DPP6: variants seen among roughly 807,000 people sequenced by gnomAD.
The protein encoded by DPP6 is A-type potassium channel modulatory protein DPP6.
A neutral mutation model predicts 122.6 loss-of-function variants in DPP6; 69 were observed. The ratio of observed to expected loss-of-function variants is 0.56; its 90% CI spans 0.46 to 0.69. The LOEUF (loss-of-function observed/expected upper bound fraction) is 0.69. DPP6 is among the 30% of genes least tolerant of loss of function. DPP6 has a pLI of 0.00. For synonymous variants in DPP6, 418 were observed against 433.1 expected (o/e 0.97, Z 0.43); for missense variants, 928 against 1,116.9 (o/e 0.83, Z 2.41).
chr7:154,536,396 A>G (rs937891937), intron 3 of DPP6, among the ~76,000 whole-genome samples: 5 of 152,202 alleles, frequency 3.3e-5, no homozygotes, highest in Non-Finnish European at 7.3e-5. Context: ...ATGGAAAAAT[A>G]TAAAAACTCA....
rs184976823 is a variant in DPP6 at position 154,258,470 on chromosome 7, G to A, written c.244-187744G>A. Among the ~76,000 whole-genome samples, 287 of 152,238 alleles carry A rather than the reference G, an allele frequency of 1.9e-3. 2 individuals are homozygous for A. Among genetic ancestry groups the A allele is most frequent in the Middle Eastern group, 0.017 (5 of 294 alleles). Reference sequence around the variant, plus strand: ...ATCCCGTGGAAGGAGAGCAGACCAGGGAGGCTGACGTTGTTATAGGAGTGT... The same window carrying A: ...ATCCCGTGGAAGGAGAGCAGACCAGAGAGGCTGACGTTGTTATAGGAGTGT... On this transcript the variant is annotated intron_variant, in intron 1 of 25. Coordinates refer to ENST00000377770, the MANE Select transcript of DPP6 (RefSeq NM_130797.4).
chr7:154,159,175 C>T (rs537218154), intron 1 of DPP6, among the ~76,000 whole-genome samples: 384 of 152,272 alleles, frequency 2.5e-3, no homozygotes, highest in African/African-American at 8.5e-3. Context: ...TCCCCGCACC[C>T]GGGCCCTCCC....
At chr7:153,748,239 C>T in the DPP6 span, among the ~76,000 whole-genome samples, 3,384 of 152,004 alleles carry the variant, frequency 0.022, 53 homozygotes, top group South Asian at 0.042. Flanking sequence ...TTCGCCTGTG[C>T]AGTGGTTCCT....
intron 1 of DPP6, among the ~76,000 whole-genome samples, chr7:154,313,249 G>A (rs1201297523): frequency 6.6e-6 from 1 of 152,192 alleles, no homozygotes; most frequent in Non-Finnish European, 1.5e-5. Context: ...TCAGGAGAGA[G>A]CAGAACAGTC....
intron 3 of DPP6, among the ~76,000 whole-genome samples, chr7:154,498,299 C>T (rs1824925227): frequency 6.6e-6 from 1 of 152,136 alleles, no homozygotes. Flanking sequence ...ATGAATTTTC[C>T]TCACATACAA....
intron 25 of DPP6, chr7:154,890,934 A>G (rs1176927600): frequency 6.6e-6 from 1 of 152,226 alleles, no homozygotes; most frequent in Admixed American, 6.5e-5. Flanking sequence ...TCATAGAAAG[A>G]TGTAGGTTTT....
chr7:154,050,846 G>A (rs1376745073), upstream of DPP6, among the ~76,000 whole-genome samples: 70 of 143,616 alleles, frequency 4.9e-4, no homozygotes, highest in Middle Eastern at 7.5e-3. Context: ...GGTAACTACT[G>A]TGGAGTAAAC....
chr7:154,779,188 C>A (rs1796857770), intron 10 of DPP6, among the ~76,000 whole-genome samples: 1 of 92,208 alleles, frequency 1.1e-5, no homozygotes, highest in Non-Finnish European at 2.3e-5. Context: ...CCATCACCCC[C>A]ACAACTTCTA....
At chr7:153,792,974 C>T in the DPP6 span, among the ~76,000 whole-genome samples, 1 of 152,290 alleles carries the variant, frequency 6.6e-6, no homozygotes, top group East Asian at 1.9e-4. Flanking sequence ...TCACCTCCCA[C>T]CATGATTCTG....
chr7:154,506,535 T>A (rs546941862), intron 3 of DPP6, among the ~76,000 whole-genome samples: 1 of 152,296 alleles, frequency 6.6e-6, no homozygotes, highest in East Asian at 1.9e-4. Context: ...AGAAGGAACA[T>A]CCTCTTTATA....
intron 1 of DPP6, among the ~76,000 whole-genome samples, chr7:154,036,293 CG>C (rs1361623542): frequency 9.4e-6 from 1 of 106,226 alleles, no homozygotes; most frequent in African/African-American, 3.9e-5. Flanking sequence ...ATATTTTTAG[CG>C]GGGGGTTGGG....
chr7:154,352,802 C>G (rs920605273), intron 1 of DPP6, among the ~76,000 whole-genome samples: 2 of 152,192 alleles, frequency 1.3e-5, no homozygotes, highest in African/African-American at 2.4e-5. Flanking sequence ...TGTAACAAAC[C>G]TGCACGTTCT....
At chr7:153,782,944 A>G in the DPP6 span, among the ~76,000 whole-genome samples, 4 of 152,308 alleles carry the variant, frequency 2.6e-5, no homozygotes, top group African/African-American at 9.6e-5. Context: ...CGATACTTGT[A>G]TAGACCACCA....
intron 1 of DPP6, among the ~76,000 whole-genome samples, chr7:153,946,036 C>G (rs879033626): frequency 3.9e-5 from 6 of 152,076 alleles, no homozygotes; most frequent in Non-Finnish European, 1.5e-5. Context: ...GAAGCTGCAG[C>G]CTCGTCCATC....
chr7:154,632,574 G>A (rs1272634151), intron 5 of DPP6, among the ~76,000 whole-genome samples: 2 of 152,144 alleles, frequency 1.3e-5, no homozygotes, highest in Non-Finnish European at 2.9e-5. Flanking sequence ...AGTTTATTCT[G>A]GAGCAAATTG....
At chr7:154,578,568 G>A (rs1831839898) in intron 5 of DPP6, among the ~76,000 whole-genome samples, 1 of 151,996 alleles carries the variant, frequency 6.6e-6, no homozygotes, top group Non-Finnish European at 1.5e-5. Flanking sequence ...CTGTGCTTTG[G>A]GCCAAGTCCA....
intron 16 of DPP6, among the ~76,000 whole-genome samples, chr7:154,810,289 C>T (rs998368571): frequency 6.6e-6 from 1 of 152,178 alleles, no homozygotes; most frequent in African/African-American, 2.4e-5. Context: ...TAAGCTGCAG[C>T]CCTGGGTTGA....
chr7:154,804,181 C>G (rs1376235273), intron 14 of DPP6, among the ~76,000 whole-genome samples: 1 of 152,200 alleles, frequency 6.6e-6, no homozygotes, highest in Non-Finnish European at 1.5e-5. Context: ...AGGCTTGCAG[C>G]CAGCCCATGA....
At chr7:154,585,948 G>A (rs1157789383) in intron 5 of DPP6, among the ~76,000 whole-genome samples, 1 of 152,274 alleles carries the variant, frequency 6.6e-6, no homozygotes, top group African/African-American at 2.4e-5. Flanking sequence ...ATGGGAGAAA[G>A]GAGAGGAAGG....
Sources: gnomAD v4.1 joint callset for allele counts (sites outside exome capture counted in the v4.1 genomes callset) on GRCh38, gnomAD v4.1.1 for gene constraint, MANE v1.5 for transcripts, NCBI Gene and HGNC (gene_info 2026-07-23, HGNC 2026-07-21) for gene names.